The following RORA variants were observed in gnomAD, a reference collection of about 807,000 sequenced individuals.
RORA encodes the protein RAR related orphan receptor A.
A neutral mutation model predicts 69.5 loss-of-function variants in RORA; 7 were observed. That is an observed-to-expected ratio of 0.10 (90% CI 0.06 to 0.19). The LOEUF is 0.19. RORA is among the 10% of genes least tolerant of loss of function. The probability of loss-of-function intolerance (pLI) is 1.00; values close to 1 mark genes in which losing one functional copy is unlikely to be tolerated. For missense variants in RORA, 457 were observed against 663.0 expected (o/e 0.69, Z 3.41); for synonymous variants, 261 against 240.8 (o/e 1.08, Z -0.78).
At chr15:60,744,036 A>G (rs2071614066) in intron 1 of RORA, among the ~76,000 whole-genome samples, 1 of 152,034 alleles carries the variant, frequency 6.6e-6, no homozygotes, top group Non-Finnish European at 1.5e-5. Flanking sequence ...AGAAAAATAT[A>G]AGAATCAGAA....
intron 1 of RORA, among the ~76,000 whole-genome samples, chr15:60,925,001 C>T (rs1314090926): frequency 6.6e-6 from 1 of 151,970 alleles, no homozygotes; most frequent in Non-Finnish European, 1.5e-5. Context: ...ATCCCTTGAA[C>T]CCAGGAGGCA....
rs28525649 is a variant in RORA, at chr15:60,553,874, G to C, written c.197-22023C>G. 4.3e-3 allele frequency among the ~76,000 whole-genome samples: 661 copies of C among 152,014 alleles called. 11 individuals carry two copies. Among genetic ancestry groups the C allele is most frequent in the African/African-American group, 0.015 (628 of 41,446 alleles). ...GCCTCAAACCATTTTCCTTTATCTT[G>C]TCACTTCTCCATAAGTTTATTGCCC... On this transcript the variant is annotated intron_variant, in intron 2 of 10. Transcript: ENST00000335670.
intron 2 of RORA, among the ~76,000 whole-genome samples, chr15:60,548,209 G>A (rs2067130009): frequency 6.6e-6 from 1 of 152,172 alleles, no homozygotes; most frequent in Non-Finnish European, 1.5e-5. Flanking sequence ...TCGTCGGCAT[G>A]GTTTCTGGTT....
At chr15:60,851,152 GTACATATACACACA>G (rs1440232463) in intron 1 of RORA, among the ~76,000 whole-genome samples, 2 of 152,252 alleles carry the variant, frequency 1.3e-5, no homozygotes, top group Admixed American at 1.3e-4. Context: ...GAGCAACGAT[GTACATATACACACA>G]TAAATAGAAA....
At chr15:61,090,551 T>G (rs779546243) in intron 1 of RORA, among the ~76,000 whole-genome samples, 1 of 152,202 alleles carries the variant, frequency 6.6e-6, no homozygotes, top group Middle Eastern at 3.2e-3. Flanking sequence ...TATCGGCCAT[T>G]TAGTCACCCA....
intron 1 of RORA, among the ~76,000 whole-genome samples, chr15:60,866,768 T>C (rs145903523): frequency 6.6e-6 from 1 of 152,252 alleles, no homozygotes; most frequent in African/African-American, 2.4e-5. Context: ...ATCCCCTATA[T>C]CTTGTCTTAT....
rs552589628 is a variant in RORA, at chr15:61,204,765, CAA to C, written c.166+24286_166+24287del. On this transcript the variant is annotated intron_variant, in intron 1 of 10. Transcript: ENST00000335670. ...GACATGCAGCTTTCAGACTTCCACC[CAA>C]AAAGTATGCGCAAGAGAGAGCGAGC... is the stretch of plus-strand genomic sequence containing the variant. Among the ~76,000 whole-genome samples the C allele has an allele frequency of 1.1e-4, 17 of 152,288 alleles. No individual in the cohort carries two copies. The East Asian group carries it at 2.9e-3, about 26-fold the overall frequency.
intron 1 of RORA, among the ~76,000 whole-genome samples, chr15:61,077,869 T>G (rs2078476296): frequency 6.6e-6 from 1 of 152,176 alleles, no homozygotes; most frequent in Non-Finnish European, 1.5e-5. Context: ...AGGCCTGCCC[T>G]CTTGCCTGAA....
chr15:60,575,267 C>G (rs775232065), intron 2 of RORA, among the ~76,000 whole-genome samples: 3 of 152,182 alleles, frequency 2.0e-5, no homozygotes, highest in Non-Finnish European at 4.4e-5. Context: ...ATTTGACTAG[C>G]AGGTCATTCA....
At chr15:61,024,739 T>A in intron 1 of RORA, among the ~76,000 whole-genome samples, 1 of 151,804 alleles carries the variant, frequency 6.6e-6, no homozygotes, top group East Asian at 1.9e-4. Flanking sequence ...CATGAGCCAC[T>A]GCACCTGGTC....
intron 1 of RORA, among the ~76,000 whole-genome samples, chr15:60,860,696 A>G (rs2073428690): frequency 6.6e-6 from 1 of 152,266 alleles, no homozygotes; most frequent in Non-Finnish European, 1.5e-5. Context: ...AGTAACAGTC[A>G]TTAGTTCTAG....
chr15:61,070,960 G>C (rs924656296), intron 1 of RORA, among the ~76,000 whole-genome samples: 11 of 151,894 alleles, frequency 7.2e-5, no homozygotes, highest in African/African-American at 2.7e-4. Context: ...TACATATTCA[G>C]ATTACATTCT....
intron 2 of RORA, chr15:60,558,424 T>C (rs2067434556): frequency 1.6e-6 from 1 of 620,122 alleles, no homozygotes; most frequent in Admixed American, 2.8e-5. Context: ...TGTACCATAA[T>C]TTAATAGATC....
chr15:60,702,081 A>G (rs775975203), intron 1 of RORA, among the ~76,000 whole-genome samples: 15 of 152,212 alleles, frequency 9.9e-5, no homozygotes. Context: ...GAGCACAGGC[A>G]GATGATGGAG....
chr15:60,896,377 C>A (rs1875599614), intron 1 of RORA, among the ~76,000 whole-genome samples: 1 of 152,178 alleles, frequency 6.6e-6, no homozygotes. Flanking sequence ...TTGATTTTAC[C>A]CCCCTTGGTT....
In RORA at chr15:60,495,093, ACAAAAC is replaced by A. The variant is rs1363909302; in HGVS notation, c.*2356_*2361del. On this transcript the variant is annotated 3_prime_UTR_variant, in exon 11 of 11. Coordinates refer to ENST00000335670, the MANE Select transcript of RORA (RefSeq NM_134261.3). ...TGAATCTGAATGACAAAAAAACAAAACAAAACCAAAACCAAAAAACTAAAACACAAA... is the reference window on the plus strand; with the variant it reads ...TGAATCTGAATGACAAAAAAACAAAACAAAACCAAAAAACTAAAACACAAA... 6.6e-6 allele frequency: 1 copy of A among 152,206 alleles called. No individual in the cohort carries two copies. The highest frequency in any genetic ancestry group is 6.5e-5 in the Admixed American group (1 of 15,274). 9.4% of individuals were successfully genotyped at this position (152,206 alleles called of 1,614,324 possible).
intron 1 of RORA, among the ~76,000 whole-genome samples, chr15:61,184,708 G>T (rs2079722695): frequency 6.6e-6 from 1 of 152,082 alleles, no homozygotes; most frequent in Admixed American, 6.6e-5. Flanking sequence ...TGTTAGGCTG[G>T]GAGTGATGGC....
chr15:60,503,718 G>T, intron 6 of RORA, 51 bp from the exon 7 acceptor site: 1 of 1,603,968 alleles, frequency 6.2e-7, no homozygotes. Context: ...GTTAGCTTTT[G>T]TAGCAGAAGC....
chr15:61,199,530 G>T (rs2079876222), intron 1 of RORA, among the ~76,000 whole-genome samples: 1 of 152,162 alleles, frequency 6.6e-6, no homozygotes, highest in Non-Finnish European at 1.5e-5. Context: ...GGGATTCCCA[G>T]CTCTCCCAGA....
Sources: allele counts gnomAD v4.1 joint callset (sites outside exome capture counted in the v4.1 genomes callset), GRCh38; gene constraint gnomAD v4.1.1; transcripts MANE v1.5; gene names NCBI Gene and HGNC (gene_info 2026-07-23, HGNC 2026-07-21).